Variants in SPEN observed in about 807,000 individuals in gnomAD.
SPEN encodes the protein msx2-interacting protein.
Under a neutral mutation model 269.9 loss-of-function variants are expected in SPEN, and 18 were observed. The ratio of observed to expected loss-of-function variants is 0.07; its 90% CI spans 0.05 to 0.10. The LOEUF is 0.10. Among genes scored for constraint, SPEN ranks in the 10% least tolerant of loss-of-function variants. The probability of loss-of-function intolerance (pLI) is 1.00; values close to 1 mark genes in which losing one functional copy is unlikely to be tolerated. For synonymous variants in SPEN, 1,726 were observed against 1,765.7 expected, an observed-to-expected ratio of 0.98 and a Z score of 0.56; for missense variants, 3,822 against 4,631.2, an observed-to-expected ratio of 0.83 and a Z score of 5.07.
chr1:15,916,417 G>GC, intron 6 of SPEN, 138 bp downstream of exon 6: 1 of 866,134 alleles, frequency 1.2e-6, no homozygotes, highest in Non-Finnish European at 1.6e-6. Context: ...CTTGCTAAAA[G>GC]ATAATCCAGA....
intron 1 of SPEN, among the ~76,000 whole-genome samples, chr1:15,859,905 CTTTTTTTT>C (rs34195453): frequency 1.1e-3 from 88 of 79,642 alleles, no homozygotes; most frequent in East Asian, 0.01. Context: ...CAGTTAACAT[CTTTTTTTT>C]TTTTTTTTTT....
intron 3 of SPEN, among the ~76,000 whole-genome samples, chr1:15,880,210 C>T (rs2148713677): frequency 6.6e-6 from 1 of 152,164 alleles, no homozygotes; most frequent in East Asian, 1.9e-4. Flanking sequence ...GCTCTGTTAC[C>T]ACTGTCTTAT....
At chr1:15,891,906 T>TA (rs61565536) in intron 3 of SPEN, among the ~76,000 whole-genome samples, 18,761 of 144,378 alleles carry the variant, frequency 0.13, 1,431 homozygotes, top group Admixed American at 0.25. Context: ...CTGGTTTTTT[T>TA]AAAAAAAAAA....
At chr1:15,909,086 A>G (rs957364761) in intron 3 of SPEN, among the ~76,000 whole-genome samples, 4 of 152,136 alleles carry the variant, frequency 2.6e-5, no homozygotes, top group South Asian at 2.1e-4. Flanking sequence ...ATAGAATGCA[A>G]CACTTGCATT....
At chr1:15,920,425 A>T (rs1371502585) in intron 8 of SPEN, among the ~76,000 whole-genome samples, 1 of 152,216 alleles carries the variant, frequency 6.6e-6, no homozygotes, top group Non-Finnish European at 1.5e-5. Context: ...TTGCCTGTAT[A>T]AAAAAATCCA....
rs577106170 is a variant in SPEN, at chr1:15,923,108, A to G, written c.1850+759A>G. On this transcript the variant is annotated intron_variant, in intron 10 of 14. Transcript: ENST00000375759. ...TAAATAAATAAAAACTTCCAAAAGA[A>G]TATCAAGAGCTTTATTTTAAAGTTG... Among the ~76,000 whole-genome samples the G allele has an allele frequency of 2.0e-5, 3 of 152,348 alleles. No homozygotes were observed. The South Asian group carries it at 6.2e-4, about 32-fold the overall frequency.
chr1:15,902,816 A>G, intron 3 of SPEN, among the ~76,000 whole-genome samples: 1 of 152,180 alleles, frequency 6.6e-6, no homozygotes, highest in East Asian at 1.9e-4. Context: ...TTAGGGAGAT[A>G]CCTGGTTATG....
chr1:15,894,878 T>G (rs553672049), intron 3 of SPEN, among the ~76,000 whole-genome samples: 1 of 152,120 alleles, frequency 6.6e-6, no homozygotes, highest in Admixed American at 6.6e-5. Flanking sequence ...TCAAAAAAGT[T>G]TTTTTAAATT....
rs562480582 is a variant in SPEN, at chr1:15,854,534, C to G, written c.83+6384C>G. On this transcript the variant is annotated intron_variant, in intron 1 of 14. Transcript: ENST00000375759. ...CGGAGTTTCGCTCCTGTTGCCCAGGCTGGAGTGCAATGGTGCTATCTCGGC... is the reference window on the plus strand; with the variant it reads ...CGGAGTTTCGCTCCTGTTGCCCAGGGTGGAGTGCAATGGTGCTATCTCGGC... Among the ~76,000 whole-genome samples the G allele has an allele frequency of 5.3e-5, 8 of 152,236 alleles. No homozygotes were observed. The South Asian group carries it at 1.5e-3, about 28-fold the overall frequency.
intron 1 of SPEN, among the ~76,000 whole-genome samples, chr1:15,859,085 T>C (rs1163361131): frequency 6.6e-6 from 1 of 152,114 alleles, no homozygotes; most frequent in East Asian, 1.9e-4. Flanking sequence ...CCTTAATTAG[T>C]ATTTTTAAAG....
At position 15,904,564 on chromosome 1, in the gene SPEN, A is replaced by G. The variant is rs1479520747; in HGVS notation, c.882-4757A>G. 2.0e-5 allele frequency among the ~76,000 whole-genome samples: 3 copies of G among 151,138 alleles called. No individual in the cohort carries two copies. In the East Asian group the frequency reaches 5.8e-4, roughly 29 times the overall value. ...TTCTAGTTGCCACTTCACATTATTC[A>G]GCAGATGATTCTGAAAGTTAAATTC... On this transcript the variant is annotated intron_variant, in intron 3 of 14. Transcript: ENST00000375759.
At chr1:15,878,485 G>T (rs1156273933) in intron 3 of SPEN, among the ~76,000 whole-genome samples, 3 of 152,188 alleles carry the variant, frequency 2.0e-5, no homozygotes, top group Non-Finnish European at 2.9e-5. Flanking sequence ...CAGCTTTCAA[G>T]CCGTGTGACA....
At chr1:15,874,479 A>T (rs749800870) in intron 2 of SPEN, 14 of 1,059,778 alleles carry the variant, frequency 1.3e-5, no homozygotes, top group Non-Finnish European at 1.8e-5. Flanking sequence ...CTCTAGAAGT[A>T]TTTAGTACTA....
intron 10 of SPEN, among the ~76,000 whole-genome samples, chr1:15,925,363 AC>A (rs1303475815): frequency 6.6e-6 from 1 of 152,074 alleles, no homozygotes; most frequent in Non-Finnish European, 1.5e-5. Context: ...TCCGAACCTG[AC>A]TTTCTGCAGT....
chr1:15,938,401 C>T (rs1187607806), intron 13 of SPEN, among the ~76,000 whole-genome samples: 3 of 152,110 alleles, frequency 2.0e-5, no homozygotes, highest in African/African-American at 7.2e-5. Flanking sequence ...CAGGCCTGAG[C>T]CACTGTGCCT....
At chr1:15,866,427 C>T (rs1376879921) in intron 1 of SPEN, among the ~76,000 whole-genome samples, 1 of 152,150 alleles carries the variant, frequency 6.6e-6, no homozygotes, top group Non-Finnish European at 1.5e-5. Context: ...GATCTTGGCT[C>T]ACTGCAAGCT....
At position 15,934,468 on chromosome 1, in the gene SPEN, C is replaced by T. The variant is rs140026416; in HGVS notation, c.8228C>T (p.Ala2743Val). 47 of 1,613,890 alleles carry T rather than the reference C, an allele frequency of 2.9e-5. No individual in the cohort carries two copies. Among genetic ancestry groups the T allele is most frequent in the Middle Eastern group, 1.6e-4 (1 of 6,084 alleles). ...ACAGCAAGTGCAGTGACCGTCACAG[C>T]GGGTGCGGTTACTGCTGCATCTGGT... ...NATASAVTVT[A>V]GAVTAASGGV... is the part of the protein sequence containing the mutation. The change falls in exon 11 of 15, where the codon GCG (alanine) becomes GTG (valine). Residue 2743 changes from alanine (A) to valine (V), a missense_variant. By Grantham distance (64) the Ala-to-Val change is moderately conservative (BLOSUM62 0). Transcript: ENST00000375759. The surrounding 1 kb of genome is among the most constrained non-coding windows in gnomAD (Gnocchi z 9.2).
chr1:15,921,073 C>T, intron 9 of SPEN, 90 bp downstream of exon 9: 1 of 711,772 alleles, frequency 1.4e-6, no homozygotes, highest in Non-Finnish European at 2.2e-6. Context: ...CGCCTGTAAT[C>T]CCAGCACTTT....
chr1:15,932,805 G>C lies in SPEN; in HGVS notation c.6565G>C (p.Ala2189Pro), dbSNP rs896450046. 6.2e-7 allele frequency: 1 copy of C among 1,614,216 alleles called. No homozygotes were observed. The highest frequency in any genetic ancestry group is 1.7e-5 in the Admixed American group (1 of 60,026). ...AKLAEASASAAYKADAPEGLA... is the reference protein window; with the variant it reads ...AKLAEASASAPYKADAPEGLA... ...GCTCGCTGAGGCCTCTGCCTCTGCT[G>C]CCTATAAGGCAGATGCACCAGAGGG... Residue 2189 changes from alanine (A) to proline (P), a missense_variant, in exon 11 of 15, where the codon GCC (alanine) becomes CCC (proline). By Grantham distance (27) the Ala-to-Pro change is conservative. This residue lies in a region of SPEN where 727 missense variants were observed against 737.9 expected (regional missense o/e 0.99). Coordinates refer to ENST00000375759, the MANE Select transcript of SPEN (RefSeq NM_015001.3). This position sits in a 1 kb window ranked among gnomAD's most constrained non-coding sequence, Gnocchi z 4.2.
Sources: gnomAD v4.1 joint callset for allele counts (sites outside exome capture counted in the v4.1 genomes callset) on GRCh38, gnomAD v4.1.1 for gene constraint, gnomAD v4.1.1 regional missense constraint, Gnocchi (gnomAD v3.1) non-coding constraint, MANE v1.5 for transcripts, NCBI Gene and HGNC (gene_info 2026-07-23, HGNC 2026-07-21) for gene names.